ZNF521: variants seen among roughly 807,000 people sequenced by gnomAD.
ZNF521 encodes the protein LYST-interacting protein 3.
A neutral mutation model predicts 105.5 loss-of-function variants in ZNF521; 14 were observed. That is an observed-to-expected ratio of 0.13 (90% CI 0.09 to 0.21). ZNF521 has a LOEUF of 0.21. Among genes scored for constraint, ZNF521 ranks in the 10% least tolerant of loss-of-function variants. The pLI, the probability that ZNF521 is intolerant of heterozygous loss-of-function variation, is 1.00. For synonymous variants in ZNF521, 635 were observed against 606.0 expected (o/e 1.05, Z -0.70); for missense variants, 1,233 against 1,629.7 (o/e 0.76, Z 4.19).
At position 25,225,150 on chromosome 18, in the gene ZNF521, G is replaced by A. The variant is rs1906021830; in HGVS notation, c.2768C>T (p.Ala923Val). The stretch of plus-strand genomic sequence containing the variant: ...CTTGTAATTCCCTTTAATGAGCTCA[G>A]CTTTCTTTTTCACGATGGCACTTTC... The part of the protein sequence containing the change: ...PGESAIVKKK[A>V]ELIKGNYKCN... The change falls in exon 4 of 8, where the codon GCT becomes GTT. Residue 923 changes from alanine (A) to valine (V), a missense_variant. Transcript: ENST00000361524. This position sits in a 1 kb window ranked among gnomAD's most constrained non-coding sequence, Gnocchi z 5.6. 2 of 1,614,008 alleles carry A rather than the reference G, an allele frequency of 1.2e-6. No homozygotes were observed. The highest frequency in any genetic ancestry group is 1.7e-5 in the Admixed American group (1 of 60,008).
intron 5 of ZNF521, among the ~76,000 whole-genome samples, chr18:25,134,219 G>A (rs994705237): frequency 1.3e-5 from 2 of 152,100 alleles, no homozygotes; most frequent in African/African-American, 4.8e-5. Context: ...GCTTCCTAAA[G>A]ACTTCTGGAA....
At chr18:25,278,392 T>C (rs1178065375) in intron 3 of ZNF521, among the ~76,000 whole-genome samples, 2 of 152,226 alleles carry the variant, frequency 1.3e-5, no homozygotes, top group East Asian at 3.9e-4. Context: ...CTACCCACTT[T>C]TCCCTTTTGG....
intron 3 of ZNF521, among the ~76,000 whole-genome samples, chr18:25,316,707 C>A (rs1269892253): frequency 6.6e-6 from 1 of 151,808 alleles, no homozygotes; most frequent in Non-Finnish European, 1.5e-5. Context: ...TTTTTCGCTT[C>A]CTCCTTGGCC....
At chr18:25,174,598 G>A (rs1017481688) in intron 5 of ZNF521, among the ~76,000 whole-genome samples, 13 of 152,338 alleles carry the variant, frequency 8.5e-5, no homozygotes, top group African/African-American at 1.9e-4. Flanking sequence ...CTCGCCAAGC[G>A]TGGTCATCTC....
intron 7 of ZNF521, among the ~76,000 whole-genome samples, chr18:25,072,535 A>G (rs978274597): frequency 2.0e-5 from 3 of 152,134 alleles, no homozygotes; most frequent in Non-Finnish European, 2.9e-5. Context: ...AGAGTGGGGG[A>G]AAAAGGTGCC....
intron 3 of ZNF521, among the ~76,000 whole-genome samples, chr18:25,236,641 T>C (rs1906920284): frequency 6.6e-6 from 1 of 152,186 alleles, no homozygotes; most frequent in Admixed American, 6.5e-5. Flanking sequence ...ATATGCCTTA[T>C]ACAATAGAAT....
intron 5 of ZNF521, among the ~76,000 whole-genome samples, chr18:25,150,389 C>T (rs980959428): frequency 2.5e-4 from 38 of 152,130 alleles, no homozygotes; most frequent in African/African-American, 9.2e-4. Context: ...AAAGAACTTA[C>T]TCACGTAACC....
chr18:25,093,106 T>A (rs1057375552), intron 5 of ZNF521, among the ~76,000 whole-genome samples: 1 of 152,164 alleles, frequency 6.6e-6, no homozygotes, highest in Admixed American at 6.6e-5. Context: ...AGTCTCATTT[T>A]ACAGATGAGA....
At position 25,225,806 on chromosome 18, in the gene ZNF521, T is replaced by A. The variant is rs1422423635; in HGVS notation, c.2112A>T (p.Thr704=). 1.9e-6 allele frequency: 3 copies of A among 1,614,256 alleles called. No individual in the cohort carries two copies. Among genetic ancestry groups the A allele is most frequent in the Non-Finnish European group, 2.5e-6 (3 of 1,180,042 alleles). Reference sequence around the variant, plus strand: ...GGTGTTTCTGAAGGTCATCCACTGATGTGAATTGCTTGTCACAACTCTCAC... The same window carrying A: ...GGTGTTTCTGAAGGTCATCCACTGAAGTGAATTGCTTGTCACAACTCTCAC... ...YICESCDKQF[T]SVDDLQKHLL... is the part of the protein sequence containing the mutation. The change falls in exon 4 of 8, where the codon ACA becomes ACT. Residue 704 remains threonine (T), a synonymous_variant. Coordinates refer to ENST00000361524, the MANE Select transcript of ZNF521 (RefSeq NM_015461.3). This position sits in a 1 kb window ranked among gnomAD's most constrained non-coding sequence, Gnocchi z 5.6.
At chr18:25,239,091 A>T (rs75840295) in intron 3 of ZNF521, among the ~76,000 whole-genome samples, 3,524 of 152,280 alleles carry the variant, frequency 0.023, 261 homozygotes, top group East Asian at 0.18. Flanking sequence ...ATTGAATCCC[A>T]GTTCTTCCAA....
chr18:25,334,761 G>C (rs1330239338), intron 2 of ZNF521, among the ~76,000 whole-genome samples: 1 of 152,134 alleles, frequency 6.6e-6, no homozygotes, highest in African/African-American at 2.4e-5. Flanking sequence ...GCCACCCCTA[G>C]AGACTTTGCA....
intron 3 of ZNF521, among the ~76,000 whole-genome samples, chr18:25,270,273 G>A (rs1344283860): frequency 6.6e-6 from 1 of 152,248 alleles, no homozygotes; most frequent in East Asian, 1.9e-4. Context: ...CTGAAACTGA[G>A]GGAGTAATTA....
intron 3 of ZNF521, among the ~76,000 whole-genome samples, chr18:25,311,318 A>T (rs1450858419): frequency 1.3e-5 from 2 of 152,030 alleles, no homozygotes; most frequent in African/African-American, 4.8e-5. Flanking sequence ...ATAAAAGGAA[A>T]CAGATAAAGG....
intron 3 of ZNF521, among the ~76,000 whole-genome samples, chr18:25,318,325 G>A (rs1372405007): frequency 1.3e-5 from 2 of 152,108 alleles, no homozygotes; most frequent in African/African-American, 4.8e-5. Flanking sequence ...GAGCATTATT[G>A]ATCAGAAAGA....
At chr18:25,143,485 T>C (rs951115533) in intron 5 of ZNF521, among the ~76,000 whole-genome samples, 1 of 152,126 alleles carries the variant, frequency 6.6e-6, no homozygotes, top group African/African-American at 2.4e-5. Context: ...AAAGGTCTTG[T>C]TCTGGGCAAG....
Position 25,224,716 on chromosome 18 carries a change from C to G in ZNF521, c.3202G>C (p.Ala1068Pro), listed in dbSNP as rs1342805042. 3.7e-6 allele frequency: 6 copies of G among 1,613,970 alleles called. No individual in the cohort carries two copies. Among genetic ancestry groups the G allele is most frequent in the Non-Finnish European group, 5.1e-6 (6 of 1,179,958 alleles). The change falls in exon 4 of 8, where the codon GCA becomes CCA. Residue 1068 changes from alanine to proline, a missense_variant. Transcript: ENST00000361524. ...GQHVQKLYKC[A>P]SCLKEFRSKQ... ...GAACGGAATTCTTTGAGGCAAGATG[C>G]GCACTTATACAGTTTTTGGACGTGC...
intron 2 of ZNF521, among the ~76,000 whole-genome samples, chr18:25,339,775 T>C (rs760912409): frequency 2.0e-5 from 3 of 152,314 alleles, no homozygotes; most frequent in Non-Finnish European, 4.4e-5. Flanking sequence ...CACAACTTCT[T>C]TGACATATGG....
Position 25,118,827 on chromosome 18 carries a change from G to C in ZNF521, c.3659-26746C>G, listed in dbSNP as rs1366517684. On this transcript the variant is annotated intron_variant, in intron 5 of 7. Transcript: ENST00000361524. ...ATAATGTACTGAACACTAATTAAAA[G>C]AAAGATTGTCAGAATGAATAAAAAT... Among the ~76,000 whole-genome samples the C allele has an allele frequency of 2.0e-5, 3 of 151,998 alleles. No individual in the cohort carries two copies. The South Asian group carries it at 6.2e-4, about 32-fold the overall frequency.
chr18:25,203,643 A>C (rs2036029778), intron 4 of ZNF521, among the ~76,000 whole-genome samples: 1 of 152,142 alleles, frequency 6.6e-6, no homozygotes, highest in Admixed American at 6.6e-5. Context: ...CCAGTTGCTT[A>C]CAGATGGTGG....
Sources: allele counts gnomAD v4.1 joint callset (sites outside exome capture counted in the v4.1 genomes callset), GRCh38; gene constraint gnomAD v4.1.1; non-coding constraint Gnocchi (gnomAD v3.1); transcripts MANE v1.5; gene names NCBI Gene and HGNC (gene_info 2026-07-23, HGNC 2026-07-21).